The following NRXN1 variants were observed in gnomAD, a reference collection of about 807,000 sequenced individuals.
NRXN1 encodes the protein neurexin 1.
NRXN1 carries 39 observed loss-of-function variants against 150.9 expected under a neutral mutation model. The observed-to-expected ratio is 0.26, with a 90% CI of 0.20 to 0.34. The LOEUF is 0.34. Ranked by LOEUF, NRXN1 falls within the 10% of genes least tolerant of loss-of-function variation. The pLI, the probability that NRXN1 is intolerant of heterozygous loss-of-function variation, is 1.00. For missense variants in NRXN1, 1,815 were observed against 1,949.9 expected, an observed-to-expected ratio of 0.93 and a Z score of 1.30; for synonymous variants, 924 against 757.0, an observed-to-expected ratio of 1.22 and a Z score of -3.62.
chr2:50,769,703 T>C (rs561184591), intron 5 of NRXN1, among the ~76,000 whole-genome samples: 17 of 152,166 alleles, frequency 1.1e-4, no homozygotes, highest in African/African-American at 3.6e-4. Flanking sequence ...CAAGCCTCAT[T>C]ATGATGATAA....
chr2:50,612,646 C>T (rs1678381950), intron 8 of NRXN1, among the ~76,000 whole-genome samples: 2 of 152,152 alleles, frequency 1.3e-5, no homozygotes, highest in Non-Finnish European at 2.9e-5. Flanking sequence ...TTTTCATGTA[C>T]ATTTGTATAG....
chr2:50,594,245 T>C (rs1674783984), intron 8 of NRXN1, among the ~76,000 whole-genome samples: 1 of 152,222 alleles, frequency 6.6e-6, no homozygotes, highest in African/African-American at 2.4e-5. Context: ...GATATTCCCA[T>C]ACGGAAAATG....
At chr2:49,929,536 A>G (rs752920460) in intron 22 of NRXN1, among the ~76,000 whole-genome samples, 9 of 152,108 alleles carry the variant, frequency 5.9e-5, no homozygotes, top group Non-Finnish European at 1.2e-4. Flanking sequence ...GTTCACAGCT[A>G]CCTACTCCAA....
chr2:50,349,270 G>A (rs1186558834), intron 17 of NRXN1, among the ~76,000 whole-genome samples: 2 of 152,150 alleles, frequency 1.3e-5, no homozygotes, highest in South Asian at 2.1e-4. Context: ...TTCCACAGCT[G>A]CTCGAAGGCC....
rs1690150721 is a variant in NRXN1 at position 50,945,234 on chromosome 2, G to A, written c.773-19279C>T. Among the ~76,000 whole-genome samples, 2 of 152,142 alleles carry A rather than the reference G, an allele frequency of 1.3e-5. 1 individual carries two copies. Among genetic ancestry groups the A allele is most frequent in the Non-Finnish European group, 2.9e-5 (2 of 68,036 alleles). On this transcript the variant is annotated intron_variant, in intron 2 of 22. Coordinates refer to ENST00000401669, the MANE Select transcript of NRXN1 (RefSeq NM_001330078.2). ...TCATGCCTGTAATTCCAGCAATTTG[G>A]GAGGCCAAGGCAGGAGGATCACTTG...
At chr2:50,292,330 G>A (rs2073026825) in intron 17 of NRXN1, among the ~76,000 whole-genome samples, 1 of 152,162 alleles carries the variant, frequency 6.6e-6, no homozygotes, top group South Asian at 2.1e-4. Flanking sequence ...ATAACAGGTA[G>A]TTGAGGGGTT....
intron 21 of NRXN1, among the ~76,000 whole-genome samples, chr2:49,963,182 C>T (rs1307323238): frequency 6.6e-6 from 1 of 152,114 alleles, no homozygotes; most frequent in East Asian, 1.9e-4. Flanking sequence ...TTCAATTGTG[C>T]TCAATATGCT....
chr2:50,902,435 A>T (rs940935621), intron 5 of NRXN1, among the ~76,000 whole-genome samples: 3 of 152,224 alleles, frequency 2.0e-5, no homozygotes, highest in Non-Finnish European at 4.4e-5. Flanking sequence ...ACATAAAAAA[A>T]TTCTAAATGC....
At chr2:50,320,597 C>G (rs7572697) in intron 17 of NRXN1, among the ~76,000 whole-genome samples, 55,962 of 151,230 alleles carry the variant, frequency 0.37, 10,933 homozygotes, top group African/African-American at 0.49. Context: ...CCAAGAGGAA[C>G]TAGAAAGAGA....
At chr2:49,977,628 G>GA (rs1679215383) in intron 21 of NRXN1, among the ~76,000 whole-genome samples, 1 of 152,204 alleles carries the variant, frequency 6.6e-6, no homozygotes, top group Non-Finnish European at 1.5e-5. Flanking sequence ...CAGAAAACAG[G>GA]AAAAAACAGC....
chr2:50,862,982 G>A (rs1192593862), intron 5 of NRXN1, among the ~76,000 whole-genome samples: 1 of 152,040 alleles, frequency 6.6e-6, no homozygotes, highest in Non-Finnish European at 1.5e-5. Context: ...TCATATCAAT[G>A]TGATATAGTT....
chr2:50,594,138 C>A (rs1161183618), intron 8 of NRXN1, among the ~76,000 whole-genome samples: 2 of 152,182 alleles, frequency 1.3e-5, no homozygotes, highest in African/African-American at 4.8e-5. Flanking sequence ...GTCAATTAAA[C>A]CTCTTTCCTT....
Position 50,784,316 on chromosome 2 carries a change from G to A in NRXN1, c.832+137553C>T, listed in dbSNP as rs76953727. 4.6e-3 allele frequency among the ~76,000 whole-genome samples: 694 copies of A among 152,070 alleles called. 4 individuals are homozygous for A. Among genetic ancestry groups the A allele is most frequent in the African/African-American group, 0.016 (662 of 41,512 alleles). On this transcript the variant is annotated intron_variant, in intron 5 of 22. Transcript: ENST00000401669. The stretch of plus-strand genomic sequence containing the variant: ...TTTTACTATGCCATCCTGAGTACTC[G>A]GATATAAATGTGCACAGGGTCCTGT...
chr2:50,464,859 A>AGCAG (rs2088646076), intron 17 of NRXN1, among the ~76,000 whole-genome samples: 2 of 151,912 alleles, frequency 1.3e-5, no homozygotes, highest in African/African-American at 4.8e-5. Flanking sequence ...ATATGCCATG[A>AGCAG]TATAATGTGA....
Position 51,023,870 on chromosome 2 carries a change from A to C in NRXN1, c.772+3632T>G, listed in dbSNP as rs140390235. Among the ~76,000 whole-genome samples, 306 of 152,318 alleles carry C rather than the reference A, an allele frequency of 2.0e-3. 2 individuals carry two copies. The highest frequency in any genetic ancestry group is 6.6e-3 in the African/African-American group (274 of 41,574). On this transcript the variant is annotated intron_variant, in intron 2 of 22. Coordinates refer to ENST00000401669, the MANE Select transcript of NRXN1 (RefSeq NM_001330078.2). Reference sequence around the variant, plus strand: ...GCAGGAGCTTTCTTAAGTCACATGTATCATACTGACATGTTCAGTGACATT... The same window carrying C: ...GCAGGAGCTTTCTTAAGTCACATGTCTCATACTGACATGTTCAGTGACATT...
intron 10 of NRXN1, 44 bp downstream of exon 10, chr2:50,538,209 C>T (rs1399348027): frequency 6.4e-7 from 1 of 1,572,850 alleles, no homozygotes; most frequent in South Asian, 1.2e-5. Flanking sequence ...ATTTAATAAA[C>T]TTTTCATCTC....
intron 19 of NRXN1, among the ~76,000 whole-genome samples, chr2:50,056,452 T>G (rs1031741664): frequency 6.6e-6 from 1 of 152,098 alleles, no homozygotes; most frequent in Non-Finnish European, 1.5e-5. Flanking sequence ...AATATCAAAG[T>G]CAAGGCAAAT....
At position 49,919,175 on chromosome 2, in the gene NRXN1, A is replaced by AGC. The variant is rs1273248118; in HGVS notation, c.*2768_*2769insGC. 3.3e-5 allele frequency: 5 copies of AGC among 152,152 alleles called. No homozygotes were observed. Among genetic ancestry groups the AGC allele is most frequent in the Non-Finnish European group, 5.9e-5 (4 of 67,972 alleles). 9.4% of individuals were successfully genotyped at this position (152,152 alleles called of 1,614,324 possible). A position where few individuals can be genotyped will look rare whatever the true frequency, so the allele number is the denominator to read the frequency against. The stretch of plus-strand genomic sequence containing the variant: ...CTAGAGATGTAATCAAATTTATGCC[A>AGC]AGTCGTGTGAAATCCTCAATCAACT... On this transcript the variant is annotated 3_prime_UTR_variant, in exon 23 of 23. Transcript: ENST00000401669.
intron 19 of NRXN1, among the ~76,000 whole-genome samples, chr2:50,086,846 G>A (rs1698850707): frequency 7.1e-6 from 1 of 141,000 alleles, no homozygotes; most frequent in Admixed American, 6.8e-5. Flanking sequence ...GAGAGAGAGA[G>A]AGAGCGAGCC....
Sources: allele counts gnomAD v4.1 joint callset (sites outside exome capture counted in the v4.1 genomes callset), GRCh38; gene constraint gnomAD v4.1.1; transcripts MANE v1.5; gene names NCBI Gene and HGNC (gene_info 2026-07-23, HGNC 2026-07-21).